Variants in TBC1D19 observed in about 807,000 individuals in gnomAD.
The protein encoded by TBC1D19 is TBC1 domain family, member 19.
In TBC1D19, 60 loss-of-function variants were observed where a neutral mutation model predicts 89.0. The ratio of observed to expected loss-of-function variants is 0.67; its 90% CI spans 0.55 to 0.84. The LOEUF (loss-of-function observed/expected upper bound fraction) is 0.84, where lower values mean the gene tolerates loss of function less well. Among genes scored for constraint, TBC1D19 ranks in the 40% least tolerant of loss-of-function variants. TBC1D19 has a pLI of 0.00. For missense variants in TBC1D19, 500 were observed against 610.8 expected (o/e 0.82, Z 1.91); for synonymous variants, 189 against 199.7 (o/e 0.95, Z 0.45).
chr4:26,590,796 G>GTTTTTTTTTTTTTTTTCT (rs1739724982), intron 1 of TBC1D19, among the ~76,000 whole-genome samples: 1 of 52,958 alleles, frequency 1.9e-5, no homozygotes, highest in Non-Finnish European at 3.1e-5. Context: ...TTGCAGGTCT[G>GTTTTTTTTTTTTTTTTCT]TTTTTTTTTT....
chr4:26,810,505 G>A, the TBC1D19 span, among the ~76,000 whole-genome samples: 1 of 152,040 alleles, frequency 6.6e-6, no homozygotes, highest in Non-Finnish European at 1.5e-5. Context: ...CCCTTCTCTG[G>A]TCCTATCTTT....
chr4:26,621,256 AG>A (rs1194729076), intron 4 of TBC1D19, among the ~76,000 whole-genome samples: 5 of 152,200 alleles, frequency 3.3e-5, no homozygotes, highest in Admixed American at 6.5e-5. Flanking sequence ...AAGAAGTTCT[AG>A]CACATGCCCC....
At chr4:26,797,169 T>A in the TBC1D19 span, among the ~76,000 whole-genome samples, 125,718 of 152,118 alleles carry the variant, frequency 0.83, 52,096 homozygotes, top group South Asian at 0.9. Flanking sequence ...CACTTGATAA[T>A]CAACTTCAGT....
In TBC1D19 at chr4:26,735,474, A is replaced by C. The variant is rs1486032937; in HGVS notation, c.1104A>C (p.Gly368=). 6.4e-7 allele frequency: 1 copy of C among 1,555,748 alleles called. No individual in the cohort carries two copies. The part of the protein sequence containing the change: ...YPPNGVIPFH[G]FSMYVAPLCF... ...TTTTAGGTGTTATCCCTTTTCATGGATTTTCAATGTATGGTAAGTTGGGCT... is the reference window on the plus strand; with the variant it reads ...TTTTAGGTGTTATCCCTTTTCATGGCTTTTCAATGTATGGTAAGTTGGGCT... The change falls in exon 16 of 21, where the codon GGA becomes GGC. Residue 368 remains glycine, a synonymous_variant. Coordinates refer to ENST00000264866, the MANE Select transcript of TBC1D19 (RefSeq NM_018317.4).
At chr4:26,646,511 A>T (rs563073825) in intron 7 of TBC1D19, among the ~76,000 whole-genome samples, 1 of 152,374 alleles carries the variant, frequency 6.6e-6, no homozygotes, top group East Asian at 1.9e-4. Context: ...ATACATGCAC[A>T]GATATGTTTA....
chr4:26,653,031 T>G (rs1187596551), intron 7 of TBC1D19, among the ~76,000 whole-genome samples: 1 of 152,248 alleles, frequency 6.6e-6, no homozygotes, highest in African/African-American at 2.4e-5. Context: ...TTCTACATAC[T>G]GCTTTGAATG....
intron 12 of TBC1D19, among the ~76,000 whole-genome samples, chr4:26,686,903 T>TTTGTATCCTTCATCCCAACCAATCAATC (rs1713860365): frequency 6.6e-6 from 1 of 152,184 alleles, no homozygotes; most frequent in Non-Finnish European, 1.5e-5. Flanking sequence ...TATAGACTGT[T>TTTGTATCCTTCATCCCAACCAATCAATC]AGAGCTATTT....
the TBC1D19 span, among the ~76,000 whole-genome samples, chr4:26,772,289 C>A: frequency 2.0e-5 from 3 of 152,130 alleles, no homozygotes; most frequent in Admixed American, 1.3e-4. Context: ...AAGCTGACTA[C>A]CCCCTCACCA....
chr4:26,619,666 T>A (rs1320088523), intron 3 of TBC1D19, among the ~76,000 whole-genome samples: 14 of 152,164 alleles, frequency 9.2e-5, no homozygotes, highest in Admixed American at 8.5e-4. Flanking sequence ...CATTTGTGAA[T>A]GCGAAAGATA....
At chr4:26,734,347 T>C (rs1204153272) in intron 15 of TBC1D19, among the ~76,000 whole-genome samples, 1 of 152,134 alleles carries the variant, frequency 6.6e-6, no homozygotes, top group Non-Finnish European at 1.5e-5. Flanking sequence ...GAATAAAGCA[T>C]TTCTATATTA....
At chr4:26,647,771 GC>G (rs1423587700) in intron 7 of TBC1D19, among the ~76,000 whole-genome samples, 3 of 151,894 alleles carry the variant, frequency 2.0e-5, no homozygotes, top group African/African-American at 7.3e-5. Context: ...TTATCTGCTG[GC>G]AATGATTTTT....
At chr4:26,835,287 C>T in the TBC1D19 span, among the ~76,000 whole-genome samples, 95,830 of 152,004 alleles carry the variant, frequency 0.63, 31,228 homozygotes, top group African/African-American at 0.78. Flanking sequence ...CTGTAGAAGC[C>T]GGAGAACACA....
At chr4:26,823,181 T>C in the TBC1D19 span, among the ~76,000 whole-genome samples, 1 of 152,192 alleles carries the variant, frequency 6.6e-6, no homozygotes, top group Non-Finnish European at 1.5e-5. Flanking sequence ...AGAGAGAGCT[T>C]GTGCAGGAAA....
chr4:26,658,725 T>C (rs1166629196), intron 7 of TBC1D19, among the ~76,000 whole-genome samples: 1 of 152,218 alleles, frequency 6.6e-6, no homozygotes, highest in East Asian at 1.9e-4. Context: ...GAGCATGGAA[T>C]GTTTTTCCAT....
At chr4:26,578,324 C>T (rs1739012030) in intron 1 of TBC1D19, among the ~76,000 whole-genome samples, 2 of 152,192 alleles carry the variant, frequency 1.3e-5, no homozygotes, top group African/African-American at 4.8e-5. Flanking sequence ...GGACAACTTG[C>T]TAACTTCCAT....
At chr4:26,671,915 G>A (rs950298014) in intron 9 of TBC1D19, among the ~76,000 whole-genome samples, 1 of 151,550 alleles carries the variant, frequency 6.6e-6, no homozygotes, top group African/African-American at 2.4e-5. Context: ...TTTTAACAAA[G>A]GGAAAATTCA....
chr4:26,680,294 C>T (rs13111381), intron 11 of TBC1D19, among the ~76,000 whole-genome samples: 69,221 of 152,028 alleles, frequency 0.46, 17,552 homozygotes, highest in Admixed American at 0.6. Context: ...TTTTAAAAAT[C>T]CTGTATTTTA....
intron 15 of TBC1D19, among the ~76,000 whole-genome samples, chr4:26,729,608 C>A (rs1230950415): frequency 2.0e-5 from 3 of 151,916 alleles, no homozygotes; most frequent in Admixed American, 6.6e-5. Flanking sequence ...TTATCAAGTT[C>A]AGAGCTATCA....
intron 1 of TBC1D19, among the ~76,000 whole-genome samples, chr4:26,590,800 T>TTTTTTTG (rs1739730828): frequency 8.9e-6 from 1 of 112,696 alleles, no homozygotes; most frequent in African/African-American, 3.2e-5. Flanking sequence ...AGGTCTGTTT[T>TTTTTTTG]TTTTTTTTTT....
Sources: allele counts gnomAD v4.1 joint callset (sites outside exome capture counted in the v4.1 genomes callset), GRCh38; gene constraint gnomAD v4.1.1; transcripts MANE v1.5; gene names NCBI Gene and HGNC (gene_info 2026-07-23, HGNC 2026-07-21).